EFR3B: variants seen among roughly 807,000 people sequenced by gnomAD.
EFR3B encodes protein EFR3 homolog B.
EFR3B carries 64 observed loss-of-function variants against 104.7 expected under a neutral mutation model. The observed-to-expected ratio is 0.61, with a 90% CI of 0.50 to 0.75. EFR3B has a LOEUF of 0.75. Among genes scored for constraint, EFR3B ranks in the 30% least tolerant of loss-of-function variants. The pLI, the probability that EFR3B is intolerant of heterozygous loss-of-function variation, is 0.00. For missense variants in EFR3B, 750 were observed against 1,078.5 expected (o/e 0.70, Z 4.27); for synonymous variants, 385 against 417.9 (o/e 0.92, Z 0.96).
intron 4 of EFR3B, among the ~76,000 whole-genome samples, chr2:25,117,342 C>G (rs937766814): frequency 6.6e-6 from 1 of 152,052 alleles, no homozygotes; most frequent in African/African-American, 2.4e-5. Flanking sequence ...CCCTGTGACT[C>G]TGCTGTCTGG....
In EFR3B at chr2:25,042,134, G is replaced by T; in HGVS notation, c.-179G>T. On this transcript the variant is annotated 5_prime_UTR_variant, in exon 1 of 23. Transcript: ENST00000403714. The surrounding 1 kb of genome is among the most constrained non-coding windows in gnomAD (Gnocchi z 5.4). ...CTGCAGCCCGGCGCTGAATGGGCTG[G>T]CGGCGCCCGGCTCCGTCCTGCCCGC... 1 of 472,578 alleles carries T rather than the reference G, an allele frequency of 2.1e-6. No homozygotes were observed. The allele number at this position is 472,578 out of a possible 1,614,324, so 29.3% of individuals were successfully genotyped here.
At position 25,091,205 on chromosome 2, in the gene EFR3B, G is replaced by A. The variant is rs1225385207; in HGVS notation, c.8-120G>A. On this transcript the variant is annotated intron_variant, in intron 1 of 22. Coordinates refer to ENST00000403714, the MANE Select transcript of EFR3B (RefSeq NM_014971.2). ...AGGCCCCGAGCCCTCCAAGGGAGGGGTCTGTCTGATTCCAGCCTGTCTGTT... is the reference window on the plus strand; with the variant it reads ...AGGCCCCGAGCCCTCCAAGGGAGGGATCTGTCTGATTCCAGCCTGTCTGTT... The A allele has an allele frequency of 4.4e-6, 4 of 909,904 alleles. No homozygotes were observed. The African/African-American group carries it at 5.1e-5, about 12-fold the overall frequency. 56.4% of individuals were successfully genotyped at this position (909,904 alleles called of 1,614,324 possible).
Position 25,133,131 on chromosome 2 carries a change from C to T in EFR3B, c.1259+117C>T, listed in dbSNP as rs1246803619. The T allele has an allele frequency of 1.5e-5, 15 of 1,022,288 alleles. No individual in the cohort carries two copies. In the Admixed American group the frequency reaches 3.4e-4, roughly 23 times the overall value. 63.3% of individuals were successfully genotyped at this position (1,022,288 alleles called of 1,614,324 possible). A position where few individuals can be genotyped will look rare whatever the true frequency, so the allele number is the denominator to read the frequency against. On this transcript the variant is annotated intron_variant, in intron 11 of 22. Coordinates refer to ENST00000403714, the MANE Select transcript of EFR3B (RefSeq NM_014971.2). The stretch of plus-strand genomic sequence containing the variant: ...CTGCCCTCTGCTCTCTTTTTACTCC[C>T]AAATCCCTCAGCAGCCTTTAATGGG...
intron 1 of EFR3B, among the ~76,000 whole-genome samples, chr2:25,069,759 C>A (rs773654129): frequency 6.6e-6 from 1 of 152,208 alleles, no homozygotes; most frequent in African/African-American, 2.4e-5. Flanking sequence ...TGCAATGGCA[C>A]GATCTTGGCT....
chr2:25,062,485 G>A (rs756177592), intron 1 of EFR3B, among the ~76,000 whole-genome samples: 6 of 152,182 alleles, frequency 3.9e-5, no homozygotes, highest in Non-Finnish European at 8.8e-5. Flanking sequence ...GAAAACATCC[G>A]TGCAAACAAT....
Position 25,042,569 on chromosome 2 carries a change from G to A in EFR3B, c.7+250G>A, listed in dbSNP as rs1025213096. On this transcript the variant is annotated intron_variant, in intron 1 of 22. Coordinates refer to ENST00000403714, the MANE Select transcript of EFR3B (RefSeq NM_014971.2). This position sits in a 1 kb window ranked among gnomAD's most constrained non-coding sequence, Gnocchi z 5.4. ...GTGCTGGGCGGTGGTCCTTCGGGGG[G>A]CGGAGGCTCAGGGGAAAGCGGGTCT... The A allele has an allele frequency of 5.0e-6, 6 of 1,201,840 alleles. No homozygotes were observed. In the African/African-American group the frequency reaches 9.5e-5, roughly 19 times the overall value. The allele number at this position is 1,201,840 out of a possible 1,614,324, so 74.4% of individuals were successfully genotyped here.
intron 12 of EFR3B, 90 bp downstream of exon 12, chr2:25,133,524 G>A: frequency 7.6e-7 from 1 of 1,320,044 alleles, no homozygotes; most frequent in Non-Finnish European, 1.1e-6. Context: ...ATACAGTCGT[G>A]CATGTGGCAT....
At position 25,114,682 on chromosome 2, in the gene EFR3B, A is replaced by C. The variant is rs1274224526; in HGVS notation, c.364-6991A>C. Among the ~76,000 whole-genome samples, 2 of 152,146 alleles carry C rather than the reference A, an allele frequency of 1.3e-5. No individual in the cohort carries two copies. The highest frequency in any genetic ancestry group is 3.9e-4 in the East Asian group (2 of 5,180). ...CCAAACCACCCCAGTTCTCCCCTTCAGAGGAAGTGGCTGTCCATCCATCCA... is the reference window on the plus strand; with the variant it reads ...CCAAACCACCCCAGTTCTCCCCTTCCGAGGAAGTGGCTGTCCATCCATCCA... On this transcript the variant is annotated intron_variant, in intron 4 of 22. Transcript: ENST00000403714. This position sits in a 1 kb window ranked among gnomAD's most constrained non-coding sequence, Gnocchi z 4.0.
At chr2:25,141,018 A>G (rs1239665121) in intron 16 of EFR3B, among the ~76,000 whole-genome samples, 2 of 149,640 alleles carry the variant, frequency 1.3e-5, no homozygotes, top group Non-Finnish European at 3.0e-5. Flanking sequence ...TCTAGCCTGG[A>G]CAAGACAGCG....
chr2:25,046,073 G>A (rs1667707831), intron 1 of EFR3B, among the ~76,000 whole-genome samples: 1 of 152,132 alleles, frequency 6.6e-6, no homozygotes, highest in African/African-American at 2.4e-5. Context: ...TGTAAATAGC[G>A]ACAGTGAACA....
rs1369011075 is a variant in EFR3B at position 25,135,601 on chromosome 2, T to G, written c.1446T>G (p.Ile482Met). Residue 482 changes from isoleucine (I) to methionine (M), a missense_variant, in exon 13 of 23, where the codon ATT (isoleucine) becomes ATG (methionine). Coordinates refer to ENST00000403714, the MANE Select transcript of EFR3B (RefSeq NM_014971.2). ...LFVLEILISF[I>M]DRHGNRHKFS... ...TTCTAGAGATTCTCATCAGTTTCAT[T>G]GATCGTCATGGCAACCGCCACAAGT... The G allele has an allele frequency of 4.5e-6, 7 of 1,551,990 alleles. No individual in the cohort carries two copies. Among genetic ancestry groups the G allele is most frequent in the Non-Finnish European group, 4.4e-6 (5 of 1,147,076 alleles).
chr2:25,125,421 A>G (rs986947017), intron 5 of EFR3B, among the ~76,000 whole-genome samples: 11 of 152,286 alleles, frequency 7.2e-5, no homozygotes, highest in African/African-American at 2.6e-4. Flanking sequence ...AAGAAGAGTC[A>G]GCAGGACAGT....
intron 16 of EFR3B, among the ~76,000 whole-genome samples, chr2:25,139,474 C>T (rs181699992): frequency 2.0e-5 from 3 of 152,220 alleles, no homozygotes; most frequent in East Asian, 1.9e-4. Flanking sequence ...CCCCTACTCA[C>T]GGGAGCACAC....
intron 1 of EFR3B, among the ~76,000 whole-genome samples, chr2:25,062,655 T>C (rs530774050): frequency 2.0e-5 from 3 of 152,162 alleles, no homozygotes; most frequent in Non-Finnish European, 4.4e-5. Flanking sequence ...ACAACTTACG[T>C]GCCGAGTAGC....
chr2:25,112,789 C>T (rs933491226), intron 4 of EFR3B, among the ~76,000 whole-genome samples: 6 of 152,180 alleles, frequency 3.9e-5, no homozygotes, highest in Non-Finnish European at 1.5e-5. Flanking sequence ...AAAAGGCCTT[C>T]AGTCCTTGAA....
chr2:25,056,129 T>C (rs1463350676), intron 1 of EFR3B, among the ~76,000 whole-genome samples: 4 of 152,232 alleles, frequency 2.6e-5, no homozygotes, highest in African/African-American at 9.6e-5. Flanking sequence ...GAGAGTCCTG[T>C]AGTGACAGCA....
intron 1 of EFR3B, among the ~76,000 whole-genome samples, chr2:25,063,264 C>T (rs923618870): frequency 6.6e-6 from 1 of 152,134 alleles, no homozygotes; most frequent in African/African-American, 2.4e-5. Context: ...TCCATTTCCT[C>T]CTTGGGGCTT....
chr2:25,059,437 A>C (rs1156721707), intron 1 of EFR3B, among the ~76,000 whole-genome samples: 1 of 152,142 alleles, frequency 6.6e-6, no homozygotes, highest in African/African-American at 2.4e-5. Context: ...AACGTGGATG[A>C]ACCTTGAGGA....
At chr2:25,093,212 T>C in intron 3 of EFR3B, 82 bp downstream of exon 3, 1 of 1,493,126 alleles carries the variant, frequency 6.7e-7, no homozygotes, top group Non-Finnish European at 9.0e-7. Context: ...AAGAAAATGA[T>C]GGCCAGGCAG....
Sources: gnomAD v4.1 joint callset for allele counts (sites outside exome capture counted in the v4.1 genomes callset) on GRCh38, gnomAD v4.1.1 for gene constraint, Gnocchi (gnomAD v3.1) non-coding constraint, MANE v1.5 for transcripts, NCBI Gene and HGNC (gene_info 2026-07-23, HGNC 2026-07-21) for gene names.